The following SEMA6A variants were observed in gnomAD, a reference collection of about 807,000 sequenced individuals.
The protein encoded by SEMA6A is semaphorin-6A.
A neutral mutation model predicts 96.8 loss-of-function variants in SEMA6A; 25 were observed. The observed-to-expected ratio is 0.26, with a 90% CI of 0.19 to 0.36. SEMA6A has a LOEUF of 0.36. SEMA6A is among the 10% of genes least tolerant of loss of function. The pLI is 1.00. For missense variants in SEMA6A, 1,363 were observed against 1,323.1 expected, an observed-to-expected ratio of 1.03 and a Z score of -0.47; for synonymous variants, 612 against 518.0, an observed-to-expected ratio of 1.18 and a Z score of -2.46.
chr5:116,545,268 G>C lies in SEMA6A; in HGVS notation c.-39+28917C>G, dbSNP rs559001573. ...ACAGTAGCAGGGACAAGCTGCGTAA[G>C]GGATAAAAATTGCTTCCCTCGGCCA... On this transcript the variant is annotated intron_variant, in intron 1 of 18. Coordinates refer to ENST00000343348, the MANE Select transcript of SEMA6A (RefSeq NM_020796.5). Among the ~76,000 whole-genome samples the C allele has an allele frequency of 7.2e-4, 110 of 152,252 alleles. No homozygotes were observed. In the South Asian group the frequency reaches 7.7e-3, roughly 11 times the overall value.
chr5:116,490,181 C>G (rs942191753), intron 7 of SEMA6A, among the ~76,000 whole-genome samples: 1 of 152,050 alleles, frequency 6.6e-6, no homozygotes, highest in Non-Finnish European at 1.5e-5. Context: ...ATATTAACAG[C>G]TATATATCAA....
intron 18 of SEMA6A, among the ~76,000 whole-genome samples, chr5:116,453,921 A>G (rs1472306247): frequency 6.6e-6 from 1 of 152,222 alleles, no homozygotes; most frequent in Non-Finnish European, 1.5e-5. Context: ...AATCACACCT[A>G]TTAAGCTAAA....
Position 116,539,594 on chromosome 5 carries a change from T to C in SEMA6A, c.-39+34591A>G, listed in dbSNP as rs186986968. Among the ~76,000 whole-genome samples the C allele has an allele frequency of 2.8e-3, 422 of 150,238 alleles. 2 individuals are homozygous for C. The highest frequency in any genetic ancestry group is 4.2e-3 in the Non-Finnish European group (286 of 67,656). ...ATACATTTTAATAATTCTGTGCGTG[T>C]GTGTGTGTGTGTGTGTGTGTGTGTA... On this transcript the variant is annotated intron_variant, in intron 1 of 18. Coordinates refer to ENST00000343348, the MANE Select transcript of SEMA6A (RefSeq NM_020796.5).
chr5:116,494,783 C>A (rs1268588289), intron 6 of SEMA6A, among the ~76,000 whole-genome samples: 1 of 152,188 alleles, frequency 6.6e-6, no homozygotes, highest in Non-Finnish European at 1.5e-5. Context: ...AGTGGTGCAG[C>A]CAAGACCTCA....
At chr5:116,467,482 T>G in intron 18 of SEMA6A, 101 bp downstream of exon 18, 1 of 1,170,310 alleles carries the variant, frequency 8.5e-7, no homozygotes, top group Non-Finnish European at 1.2e-6. Flanking sequence ...GCATTGGAGG[T>G]TCCTTAAATG....
intron 1 of SEMA6A, among the ~76,000 whole-genome samples, chr5:116,570,605 T>C (rs1199655748): frequency 6.6e-6 from 1 of 152,218 alleles, no homozygotes; most frequent in African/African-American, 2.4e-5. Context: ...CTTAGCTTGT[T>C]CTGTGATTCC....
At chr5:116,476,120 G>A (rs1237001209) in intron 15 of SEMA6A, among the ~76,000 whole-genome samples, 1 of 152,062 alleles carries the variant, frequency 6.6e-6, no homozygotes, top group Non-Finnish European at 1.5e-5. Flanking sequence ...TGCATTTTGT[G>A]GAGACTGCTT....
rs1168093687 is a variant in SEMA6A at position 116,543,717 on chromosome 5, G to A, written c.-39+30468C>T. Reference sequence around the variant, plus strand: ...AGCAGAAATACCACTTCCACATGCTGACACAAGTTTGTGCTGGCAGAAGAA... The same window carrying A: ...AGCAGAAATACCACTTCCACATGCTAACACAAGTTTGTGCTGGCAGAAGAA... On this transcript the variant is annotated intron_variant, in intron 1 of 18. Transcript: ENST00000343348. 2.6e-5 allele frequency among the ~76,000 whole-genome samples: 4 copies of A among 152,166 alleles called. No individual in the cohort carries two copies. In the South Asian group the frequency reaches 8.3e-4, roughly 31 times the overall value.
intron 1 of SEMA6A, among the ~76,000 whole-genome samples, chr5:116,563,186 T>C (rs1327359547): frequency 1.3e-5 from 2 of 152,214 alleles, no homozygotes; most frequent in Non-Finnish European, 2.9e-5. Context: ...AGTATGCTTT[T>C]ATTTGAAAGA....
At chr5:116,489,534 G>C (rs763773169) in intron 7 of SEMA6A, among the ~76,000 whole-genome samples, 2 of 152,244 alleles carry the variant, frequency 1.3e-5, no homozygotes, top group Non-Finnish European at 2.9e-5. Context: ...CTACTGTCCT[G>C]AGAGTAACAG....
intron 1 of SEMA6A, among the ~76,000 whole-genome samples, chr5:116,573,392 G>A (rs1761318317): frequency 6.6e-6 from 1 of 150,916 alleles, no homozygotes; most frequent in African/African-American, 2.5e-5. Flanking sequence ...CGGTGCTTCA[G>A]GAGGGACGCA....
chr5:116,529,114 G>A (rs1015571799), intron 1 of SEMA6A, among the ~76,000 whole-genome samples: 2 of 152,080 alleles, frequency 1.3e-5, no homozygotes, highest in South Asian at 4.1e-4. Context: ...AAAAGAATCT[G>A]GCCAGTGTGA....
intron 1 of SEMA6A, among the ~76,000 whole-genome samples, chr5:116,569,344 A>G (rs1309352701): frequency 6.6e-6 from 1 of 152,174 alleles, no homozygotes; most frequent in Non-Finnish European, 1.5e-5. Flanking sequence ...AAGGACCCCA[A>G]GTATATGCCA....
chr5:116,497,562 C>G (rs576740564), intron 3 of SEMA6A, among the ~76,000 whole-genome samples, 175 bp from the exon 4 acceptor site: 2 of 152,292 alleles, frequency 1.3e-5, no homozygotes, highest in South Asian at 2.1e-4. Context: ...CCATTTAGCA[C>G]CTTCTGATAA....
At chr5:116,455,032 C>G (rs1189950351) in intron 18 of SEMA6A, among the ~76,000 whole-genome samples, 1 of 152,112 alleles carries the variant, frequency 6.6e-6, no homozygotes, top group Non-Finnish European at 1.5e-5. Flanking sequence ...GTAGATGAAC[C>G]CACTTCCACT....
At chr5:116,533,967 C>T (rs1472331578) in intron 1 of SEMA6A, among the ~76,000 whole-genome samples, 1 of 152,174 alleles carries the variant, frequency 6.6e-6, no homozygotes, top group African/African-American at 2.4e-5. Context: ...TTCACTGATA[C>T]TCCCTAAATA....
At chr5:116,489,942 T>C (rs1469626878) in intron 7 of SEMA6A, among the ~76,000 whole-genome samples, 1 of 152,212 alleles carries the variant, frequency 6.6e-6, no homozygotes, top group East Asian at 1.9e-4. Flanking sequence ...CGTGATTCAC[T>C]TTTAGTGGAT....
chr5:116,562,812 G>T, intron 1 of SEMA6A: 2 of 717,536 alleles, frequency 2.8e-6, no homozygotes, highest in Non-Finnish European at 5.3e-6. Context: ...GCTCAGAGGT[G>T]CAAGGAACTG....
intron 1 of SEMA6A, among the ~76,000 whole-genome samples, chr5:116,539,621 T>C (rs1407945565): frequency 7.3e-6 from 1 of 137,732 alleles, no homozygotes; most frequent in Non-Finnish European, 1.5e-5. Context: ...GTGTGTGTAC[T>C]TTCTTTAATT....
Sources: gnomAD v4.1 joint callset for allele counts (sites outside exome capture counted in the v4.1 genomes callset) on GRCh38, gnomAD v4.1.1 for gene constraint, MANE v1.5 for transcripts, NCBI Gene and HGNC (gene_info 2026-07-23, HGNC 2026-07-21) for gene names.